The following STAG1 variants were observed in gnomAD, a reference collection of about 807,000 sequenced individuals.
The protein encoded by STAG1 is STAG1 cohesin complex component, also known as cohesin subunit SA-1.
In STAG1, 26 loss-of-function variants were observed where a neutral mutation model predicts 170.9. The ratio of observed to expected loss-of-function variants is 0.15; its 90% CI spans 0.11 to 0.21. STAG1 has a LOEUF of 0.21. Ranked by LOEUF, STAG1 falls within the 10% of genes least tolerant of loss-of-function variation. STAG1 has a pLI of 1.00. For missense variants in STAG1, 964 were observed against 1,509.5 expected (o/e 0.64, Z 5.99); for synonymous variants, 514 against 497.7 (o/e 1.03, Z -0.44).
intron 6 of STAG1, among the ~76,000 whole-genome samples, chr3:136,537,423 T>G (rs1459962624): frequency 6.6e-6 from 1 of 152,112 alleles, no homozygotes; most frequent in Non-Finnish European, 1.5e-5. Context: ...CCTCACTGGT[T>G]TCTTAGGTTA....
chr3:136,467,561 G>A (rs1310688982), intron 12 of STAG1, among the ~76,000 whole-genome samples: 2 of 152,228 alleles, frequency 1.3e-5, no homozygotes, highest in South Asian at 2.1e-4. Flanking sequence ...ATAATAATGG[G>A]AGACTCTGAC....
intron 15 of STAG1, among the ~76,000 whole-genome samples, 187 bp downstream of exon 15, chr3:136,443,100 T>G (rs1457202859): frequency 6.6e-6 from 1 of 152,242 alleles, no homozygotes; most frequent in African/African-American, 2.4e-5. Flanking sequence ...ATGGTGGCAG[T>G]GTTTATATGG....
chr3:136,393,283 T>C (rs1262251155), intron 22 of STAG1, among the ~76,000 whole-genome samples: 1 of 152,146 alleles, frequency 6.6e-6, no homozygotes, highest in African/African-American at 2.4e-5. Flanking sequence ...TTAGGTGCAT[T>C]ATCACAGAAG....
In STAG1 at chr3:136,621,745, A is replaced by G. The variant is rs1022452970; in HGVS notation, c.132+1401T>C. On this transcript the variant is annotated intron_variant, in intron 3 of 33. Transcript: ENST00000383202. The stretch of plus-strand genomic sequence containing the variant: ...TTAAAAATTCTGGCAAACAAGAGGG[A>G]AAAATGACTTAACTTATCAAAAAAC... 2.8e-4 allele frequency among the ~76,000 whole-genome samples: 43 copies of G among 152,172 alleles called. 1 individual carries two copies. Among genetic ancestry groups the G allele is most frequent in the African/African-American group, 1.0e-3 (42 of 41,540 alleles).
chr3:136,377,147 C>A (rs1430646061), intron 23 of STAG1, among the ~76,000 whole-genome samples: 1 of 148,648 alleles, frequency 6.7e-6, no homozygotes, highest in Non-Finnish European at 1.5e-5. Flanking sequence ...CGCCTGTAAT[C>A]TCAGCACTTT....
At chr3:136,751,812 G>C (rs933206608) in intron 1 of STAG1, among the ~76,000 whole-genome samples, 1 of 151,136 alleles carries the variant, frequency 6.6e-6, no homozygotes, top group African/African-American at 2.4e-5. Flanking sequence ...CCCGGGCGGG[G>C]GGGGGCGGAG....
At chr3:136,727,888 T>C (rs926972422) in intron 1 of STAG1, among the ~76,000 whole-genome samples, 5 of 152,272 alleles carry the variant, frequency 3.3e-5, no homozygotes, top group Non-Finnish European at 5.9e-5. Flanking sequence ...CCGGGAGCGG[T>C]GGCTCATGCC....
At chr3:136,751,701 G>A (rs1000011025) in intron 1 of STAG1, among the ~76,000 whole-genome samples, 1 of 152,026 alleles carries the variant, frequency 6.6e-6, no homozygotes, top group Non-Finnish European at 1.5e-5. Context: ...TGACGCCGCC[G>A]CCGCTAAAAC....
chr3:136,511,293 T>G (rs899912014), intron 7 of STAG1, among the ~76,000 whole-genome samples: 7 of 152,210 alleles, frequency 4.6e-5, no homozygotes, highest in African/African-American at 1.7e-4. Context: ...GAAAACAGAC[T>G]AATACAACAC....
chr3:136,363,208 C>T (rs899358275), intron 26 of STAG1, among the ~76,000 whole-genome samples, 158 bp downstream of exon 26: 1 of 152,036 alleles, frequency 6.6e-6, no homozygotes, highest in Non-Finnish European at 1.5e-5. Flanking sequence ...GACACCTAAC[C>T]TATGTCTTTG....
chr3:136,521,568 T>C (rs1241959001), intron 6 of STAG1, 151 bp from the exon 7 acceptor site: 4 of 614,820 alleles, frequency 6.5e-6, no homozygotes, highest in African/African-American at 5.6e-5. Context: ...ATTGCTTTAT[T>C]TCTCTTTGAT....
intron 3 of STAG1, among the ~76,000 whole-genome samples, chr3:136,620,019 TTGC>T: frequency 6.6e-6 from 1 of 152,040 alleles, no homozygotes; most frequent in Non-Finnish European, 1.5e-5. Flanking sequence ...TAAGCCACAG[TTGC>T]GCCACTGCAC....
At chr3:136,401,948 T>TTA (rs1461286878) in intron 21 of STAG1, among the ~76,000 whole-genome samples, 1 of 152,048 alleles carries the variant, frequency 6.6e-6, no homozygotes, top group Non-Finnish European at 1.5e-5. Context: ...TTCACCATGT[T>TTA]GGTCAGGCTG....
intron 22 of STAG1, among the ~76,000 whole-genome samples, chr3:136,395,710 A>C (rs1333767705): frequency 6.6e-6 from 1 of 152,192 alleles, no homozygotes; most frequent in African/African-American, 2.4e-5. Context: ...ACGGAATAAC[A>C]TATTCTAAAT....
At chr3:136,445,696 TC>T (rs1273838608) in intron 14 of STAG1, among the ~76,000 whole-genome samples, 1 of 152,208 alleles carries the variant, frequency 6.6e-6, no homozygotes, top group African/African-American at 2.4e-5. Flanking sequence ...AGATTTACAA[TC>T]GCATATATTT....
intron 1 of STAG1, among the ~76,000 whole-genome samples, chr3:136,697,750 G>A (rs963888619): frequency 2.0e-5 from 3 of 152,142 alleles, no homozygotes; most frequent in East Asian, 3.8e-4. Context: ...ACACAACCCA[G>A]GCATTTTGAA....
chr3:136,456,346 G>T (rs2089111510), intron 13 of STAG1, among the ~76,000 whole-genome samples: 1 of 152,004 alleles, frequency 6.6e-6, no homozygotes, highest in Non-Finnish European at 1.5e-5. Context: ...ATACATCCTA[G>T]AAATAAAGAA....
chr3:136,673,680 G>C (rs918943768), intron 1 of STAG1, among the ~76,000 whole-genome samples: 9 of 152,082 alleles, frequency 5.9e-5, no homozygotes, highest in Admixed American at 4.6e-4. Flanking sequence ...CTCAAAGCCT[G>C]CCCATGATGA....
At chr3:136,690,490 G>A (rs1259961875) in intron 1 of STAG1, among the ~76,000 whole-genome samples, 2 of 152,204 alleles carry the variant, frequency 1.3e-5, no homozygotes, top group African/African-American at 2.4e-5. Flanking sequence ...GCCCATCTGG[G>A]CCTCTCAAAG....
Sources: allele counts gnomAD v4.1 joint callset (sites outside exome capture counted in the v4.1 genomes callset), GRCh38; gene constraint gnomAD v4.1.1; transcripts MANE v1.5; gene names NCBI Gene and HGNC (gene_info 2026-07-23, HGNC 2026-07-21).